The following TRMT11 variants were observed in gnomAD, a reference collection of about 807,000 sequenced individuals.
TRMT11 encodes the protein tRNA methyltransferase 11.
Under a neutral mutation model 62.8 loss-of-function variants are expected in TRMT11, and 53 were observed. That is an observed-to-expected ratio of 0.84 (90% CI 0.68 to 1.06). The LOEUF is 1.06. TRMT11 is among the 50% of genes least tolerant of loss of function. The pLI, the probability that TRMT11 is intolerant of heterozygous loss-of-function variation, is 0.00. For synonymous variants in TRMT11, 188 were observed against 190.3 expected, an observed-to-expected ratio of 0.99 and a Z score of 0.10; for missense variants, 556 against 553.4, an observed-to-expected ratio of 1.00 and a Z score of -0.05.
intron 21 of TRMT11, among the ~76,000 whole-genome samples, chr6:126,142,333 G>A (rs1777926302): frequency 6.6e-6 from 1 of 151,948 alleles, no homozygotes; most frequent in South Asian, 2.1e-4. Flanking sequence ...ACCAGAGGGG[G>A]GCACAAATAT....
chr6:126,203,885 A>C (rs1378656352), downstream of TRMT11, among the ~76,000 whole-genome samples: 2 of 151,800 alleles, frequency 1.3e-5, no homozygotes, highest in Non-Finnish European at 2.9e-5. Context: ...TGTCCAACAC[A>C]ATGTAGTTAT....
intron 17 of TRMT11, among the ~76,000 whole-genome samples, chr6:126,090,803 G>C (rs1469367270): frequency 6.6e-6 from 1 of 152,168 alleles, no homozygotes; most frequent in Non-Finnish European, 1.5e-5. Flanking sequence ...CGGTATGGGT[G>C]TTAGTTAATA....
At chr6:126,063,707 C>G (rs1046226561) in intron 17 of TRMT11, among the ~76,000 whole-genome samples, 1 of 152,166 alleles carries the variant, frequency 6.6e-6, no homozygotes, top group Non-Finnish European at 1.5e-5. Context: ...ATGGGCCATG[C>G]TTTGAGAGGC....
chr6:126,193,578 C>A (rs1017875717), intron 1 of TRMT11, among the ~76,000 whole-genome samples: 1 of 144,502 alleles, frequency 6.9e-6, no homozygotes. Flanking sequence ...CTGCAAGCTT[C>A]GCCTCCCAGG....
the TRMT11 span, among the ~76,000 whole-genome samples, chr6:126,224,173 C>T: frequency 6.6e-6 from 1 of 152,304 alleles, no homozygotes; most frequent in African/African-American, 2.4e-5. Context: ...GGTTAAGAAC[C>T]ATTGCTGGAG....
At chr6:126,035,694 A>G (rs1392495245) in intron 12 of TRMT11, among the ~76,000 whole-genome samples, 2 of 152,070 alleles carry the variant, frequency 1.3e-5, no homozygotes, top group Non-Finnish European at 2.9e-5. Context: ...CTAAACTATT[A>G]CAGAAAAGAA....
At chr6:126,022,841 G>A (rs1796029101) in intron 12 of TRMT11, among the ~76,000 whole-genome samples, 1 of 151,984 alleles carries the variant, frequency 6.6e-6, no homozygotes, top group Non-Finnish European at 1.5e-5. Flanking sequence ...AGGTATATGT[G>A]GTGTAATTAA....
At chr6:126,264,247 C>A in the TRMT11 span, among the ~76,000 whole-genome samples, 1 of 152,018 alleles carries the variant, frequency 6.6e-6, no homozygotes, top group African/African-American at 2.4e-5. Context: ...AACATATATT[C>A]AAAATATATT....
chr6:126,074,675 A>G (rs549137696), intron 17 of TRMT11, among the ~76,000 whole-genome samples: 3 of 152,268 alleles, frequency 2.0e-5, no homozygotes, highest in African/African-American at 7.2e-5. Flanking sequence ...ATTTTCCTCA[A>G]TCAGACAGAA....
intron 8 of TRMT11, among the ~76,000 whole-genome samples, chr6:126,010,366 G>GT (rs1265918608): frequency 5.9e-5 from 9 of 151,800 alleles, no homozygotes; most frequent in South Asian, 2.1e-4. Context: ...TTTATATATT[G>GT]TTTTTTTCCA....
the TRMT11 span, among the ~76,000 whole-genome samples, chr6:126,245,834 A>G: frequency 1.3e-5 from 2 of 152,182 alleles, no homozygotes; most frequent in Admixed American, 1.3e-4. Context: ...GTGGTGGCTC[A>G]TGCCTATAAT....
chr6:126,214,970 T>C, the TRMT11 span, among the ~76,000 whole-genome samples: 7 of 152,152 alleles, frequency 4.6e-5, no homozygotes, highest in African/African-American at 1.7e-4. Flanking sequence ...ATTTTCTTCT[T>C]AATTTCTTAA....
At chr6:126,043,681 C>G (rs1185831704), downstream of TRMT11, among the ~76,000 whole-genome samples, 1,855 of 151,488 alleles carry the variant, frequency 0.012, 29 homozygotes, top group African/African-American at 0.04. Flanking sequence ...CAGTGTAAAA[C>G]TGTTCCTATT....
chr6:126,048,598 C>T (rs1235175027), intron 16 of TRMT11, among the ~76,000 whole-genome samples: 2 of 152,174 alleles, frequency 1.3e-5, no homozygotes, highest in African/African-American at 4.8e-5. Context: ...ATCCAGATTG[C>T]CATCATTGCT....
At chr6:126,267,089 G>A in the TRMT11 span, among the ~76,000 whole-genome samples, 2 of 152,142 alleles carry the variant, frequency 1.3e-5, no homozygotes, top group African/African-American at 2.4e-5. Context: ...CATTGCTAGT[G>A]TGGAACTCTA....
intron 1 of TRMT11, among the ~76,000 whole-genome samples, chr6:125,990,452 C>T (rs1166812738): frequency 6.6e-6 from 1 of 152,136 alleles, no homozygotes; most frequent in African/African-American, 2.4e-5. Flanking sequence ...GGGGCCCTTT[C>T]TCTTTTTTTC....
At chr6:126,223,591 T>G in the TRMT11 span, among the ~76,000 whole-genome samples, 3 of 152,192 alleles carry the variant, frequency 2.0e-5, no homozygotes, top group African/African-American at 7.2e-5. Flanking sequence ...GCCTTTAATA[T>G]TTTTTCTCTC....
intron 18 of TRMT11, among the ~76,000 whole-genome samples, chr6:126,113,351 G>T (rs1332989937): frequency 6.6e-6 from 1 of 151,998 alleles, no homozygotes; most frequent in Non-Finnish European, 1.5e-5. Flanking sequence ...AATATAGGAG[G>T]CTAGTTTAAT....
At chr6:126,053,646 T>C (rs544283043) in intron 17 of TRMT11, among the ~76,000 whole-genome samples, 1 of 152,184 alleles carries the variant, frequency 6.6e-6, no homozygotes, top group South Asian at 2.1e-4. Context: ...CATTTTCCCC[T>C]CCCCTCTGCC....
Sources: gnomAD v4.1 joint callset for allele counts (sites outside exome capture counted in the v4.1 genomes callset) on GRCh38, gnomAD v4.1.1 for gene constraint, MANE v1.5 for transcripts, NCBI Gene and HGNC (gene_info 2026-07-23, HGNC 2026-07-21) for gene names.